SLC16A9: variants seen among roughly 807,000 people sequenced by gnomAD.
SLC16A9 encodes monocarboxylate transporter 9.
SLC16A9 carries 26 observed loss-of-function variants against 44.3 expected under a neutral mutation model. That is an observed-to-expected ratio of 0.59 (90% CI 0.43 to 0.81). The LOEUF (loss-of-function observed/expected upper bound fraction) is 0.81. Ranked by LOEUF, SLC16A9 falls within the 40% of genes least tolerant of loss-of-function variation. The pLI is 0.00. For missense variants in SLC16A9, 559 were observed against 595.8 expected (o/e 0.94, Z 0.64); for synonymous variants, 230 against 225.1 (o/e 1.02, Z -0.19).
At chr10:59,709,264 T>C (rs917739508) in intron 1 of SLC16A9, among the ~76,000 whole-genome samples, 15 of 152,058 alleles carry the variant, frequency 9.9e-5, no homozygotes, top group Admixed American at 9.2e-4. Flanking sequence ...GCCCACTTTG[T>C]AGAAGCACCC....
chr10:59,669,398 T>A lies in SLC16A9; in HGVS notation c.340+3372A>T, dbSNP rs188319600. On this transcript the variant is annotated intron_variant, in intron 3 of 5. Coordinates refer to ENST00000395348, the MANE Select transcript of SLC16A9 (RefSeq NM_194298.3). The stretch of plus-strand genomic sequence containing the variant: ...TACATAAAGATTTCTAATGAGCTTG[T>A]TGGCAGTATTAACCAAAGTGATGTT... 8.5e-5 allele frequency among the ~76,000 whole-genome samples: 13 copies of A among 152,356 alleles called. No homozygotes were observed. In the East Asian group the frequency reaches 2.5e-3, roughly 29 times the overall value.
intron 1 of SLC16A9, among the ~76,000 whole-genome samples, chr10:59,694,075 C>T (rs2132521219): frequency 6.6e-6 from 1 of 152,090 alleles, no homozygotes; most frequent in South Asian, 2.1e-4. Flanking sequence ...GTAGCTGGGA[C>T]TACAGGCGCC....
intron 4 of SLC16A9, 117 bp downstream of exon 4, chr10:59,664,110 T>C: frequency 2.2e-6 from 1 of 452,128 alleles, no homozygotes; most frequent in South Asian, 6.3e-5. Context: ...AAGAAATTAT[T>C]TTGCTACCTG....
At chr10:59,683,006 T>G (rs1435364769) in intron 2 of SLC16A9, among the ~76,000 whole-genome samples, 1 of 152,218 alleles carries the variant, frequency 6.6e-6, no homozygotes, top group East Asian at 1.9e-4. Flanking sequence ...AGGCATTGCT[T>G]TTTTTGAAAG....
At position 59,697,125 on chromosome 10, in the gene SLC16A9, C is replaced by T. The variant is rs1467748616; in HGVS notation, c.-37+12354G>A. Among the ~76,000 whole-genome samples the T allele has an allele frequency of 6.1e-5, 7 of 114,822 alleles. 2 individuals carry two copies. The highest frequency in any genetic ancestry group is 1.8e-4 in the Admixed American group (2 of 11,110). 75.3% of individuals were successfully genotyped at this position (114,822 alleles called of 152,430 possible). ...AGGGAGGTGGGGGGGTTCAGCCCCC[C>T]GCCCAGCCAGCCACCCCGTCCGGGA... On this transcript the variant is annotated intron_variant, in intron 1 of 5. Transcript: ENST00000395348.
chr10:59,653,099 A>G (rs1839247998), intron 5 of SLC16A9, 149 bp from the exon 6 acceptor site: 2 of 571,778 alleles, frequency 3.5e-6, no homozygotes, highest in Non-Finnish European at 5.6e-6. Context: ...AGTTAGAAGA[A>G]GAGAATCTCT....
chr10:59,686,672 T>G (rs1564708284), intron 1 of SLC16A9, among the ~76,000 whole-genome samples: 1 of 152,232 alleles, frequency 6.6e-6, no homozygotes, highest in Non-Finnish European at 1.5e-5. Context: ...TGGTGGATTT[T>G]CAGATGATTT....
At chr10:59,686,447 C>T (rs10826345) in intron 1 of SLC16A9, among the ~76,000 whole-genome samples, 53,615 of 152,022 alleles carry the variant, frequency 0.35, 10,286 homozygotes, top group Middle Eastern at 0.44. Flanking sequence ...ATTCTAAGAA[C>T]ATAATATGTT....
intron 1 of SLC16A9, among the ~76,000 whole-genome samples, chr10:59,689,904 C>T (rs1415780545): frequency 6.6e-6 from 1 of 152,202 alleles, no homozygotes. Flanking sequence ...TTCTTCATAT[C>T]TTATGATCTA....
chr10:59,693,117 T>G (rs1840287451), intron 1 of SLC16A9, among the ~76,000 whole-genome samples: 1 of 152,222 alleles, frequency 6.6e-6, no homozygotes, highest in Non-Finnish European at 1.5e-5. Flanking sequence ...GTTCAAGGGG[T>G]AAAAAGTGCA....
intron 4 of SLC16A9, among the ~76,000 whole-genome samples, chr10:59,658,648 G>A (rs1215665368): frequency 2.6e-5 from 4 of 152,130 alleles, no homozygotes; most frequent in Non-Finnish European, 5.9e-5. Context: ...CCACACTTGT[G>A]GAAGATCCTC....
chr10:59,669,655 GC>G (rs1839699589), intron 3 of SLC16A9, among the ~76,000 whole-genome samples: 1 of 152,096 alleles, frequency 6.6e-6, no homozygotes, highest in Non-Finnish European at 1.5e-5. Context: ...GGCCAACATG[GC>G]AAAACCCTAT....
intron 2 of SLC16A9, among the ~76,000 whole-genome samples, chr10:59,680,030 CT>C (rs1839953079): frequency 1.3e-5 from 2 of 152,058 alleles, no homozygotes; most frequent in African/African-American, 4.8e-5. Context: ...GACTACAAAC[CT>C]TTTAGAAACA....
At chr10:59,697,018 C>T (rs1432421939) in intron 1 of SLC16A9, among the ~76,000 whole-genome samples, 3 of 92,094 alleles carry the variant, frequency 3.3e-5, no homozygotes, top group African/African-American at 1.1e-4. Flanking sequence ...CCGCCCCGTC[C>T]GGGAGGTGAG....
intron 1 of SLC16A9, among the ~76,000 whole-genome samples, chr10:59,686,994 G>A (rs1043617903): frequency 4.6e-5 from 7 of 152,164 alleles, no homozygotes; most frequent in African/African-American, 1.4e-4. Context: ...AGCAACCTCC[G>A]CCTCCTAGGT....
chr10:59,682,282 GCTGTCACTAAATT>G (rs1228296087), intron 2 of SLC16A9, among the ~76,000 whole-genome samples: 2 of 152,122 alleles, frequency 1.3e-5, no homozygotes, highest in Non-Finnish European at 2.9e-5. Flanking sequence ...TTAGTGCTCT[GCTGTCACTAAATT>G]CTGTCACTAA....
chr10:59,696,734 G>A lies in SLC16A9; in HGVS notation c.-36-12407C>T, dbSNP rs1408036390. ...CCCTGCCGCCCCGTCTGGGATGTGA[G>A]GAGTGTCTCTGCCCGGCCGCCCCGT... is the stretch of plus-strand genomic sequence containing the variant. On this transcript the variant is annotated intron_variant, in intron 1 of 5. Coordinates refer to ENST00000395348, the MANE Select transcript of SLC16A9 (RefSeq NM_194298.3). Among the ~76,000 whole-genome samples, 11 of 151,842 alleles carry A rather than the reference G, an allele frequency of 7.2e-5. 1 individual carries two copies. The East Asian group carries it at 2.0e-3, about 27-fold the overall frequency.
intron 2 of SLC16A9, among the ~76,000 whole-genome samples, chr10:59,680,949 C>T (rs1839971786): frequency 6.6e-6 from 1 of 151,602 alleles, no homozygotes; most frequent in Non-Finnish European, 1.5e-5. Flanking sequence ...CACCACTGCA[C>T]TCCAGCATGG....
chr10:59,702,892 C>T (rs1039319158), intron 1 of SLC16A9, among the ~76,000 whole-genome samples: 2 of 152,166 alleles, frequency 1.3e-5, no homozygotes, highest in Admixed American at 6.5e-5. Flanking sequence ...GGACAGAATA[C>T]GTGGTGAAAT....
Sources: gnomAD v4.1 joint callset for allele counts (sites outside exome capture counted in the v4.1 genomes callset) on GRCh38, gnomAD v4.1.1 for gene constraint, MANE v1.5 for transcripts, NCBI Gene and HGNC (gene_info 2026-07-23, HGNC 2026-07-21) for gene names.